The following TAF4 variants were observed in gnomAD, a reference collection of about 807,000 sequenced individuals.
TAF4 encodes the protein TATA-box binding protein associated factor 4, also known as transcription initiation factor TFIID subunit 4.
A neutral mutation model predicts 90.3 loss-of-function variants in TAF4; 9 were observed. The ratio of observed to expected loss-of-function variants is 0.10; its 90% CI spans 0.06 to 0.17. TAF4 has a LOEUF of 0.17. Among genes scored for constraint, TAF4 ranks in the 10% least tolerant of loss-of-function variants. TAF4 has a pLI of 1.00. For synonymous variants in TAF4, 818 were observed against 638.9 expected, an observed-to-expected ratio of 1.28 and a Z score of -4.23; for missense variants, 1,351 against 1,370.7, an observed-to-expected ratio of 0.99 and a Z score of 0.23.
intron 14 of TAF4, among the ~76,000 whole-genome samples, chr20:61,985,981 T>TCAAAGGAAACACCATCCCCAAC (rs1568922357): frequency 3.7e-4 from 31 of 83,624 alleles, no homozygotes; most frequent in African/African-American, 1.4e-3. Context: ...CCATCCCCAA[T>TCAAAGGAAACACCATCCCCAAC]CAAAGGAAAT....
rs751225247 is a variant in TAF4, at chr20:62,003,845, T to A, written c.2257A>T (p.Ile753Phe). 2 of 1,591,774 alleles carry A rather than the reference T, an allele frequency of 1.3e-6. No individual in the cohort carries two copies. Among genetic ancestry groups the A allele is most frequent in the South Asian group, 2.2e-5 (2 of 89,176 alleles). Residue 753 changes from isoleucine to phenylalanine, a missense_variant, in exon 8 of 15, where the codon ATC becomes TTC. Physicochemically the swap from Ile to Phe is conservative, Grantham distance 21 (BLOSUM62 0). Around this residue, in one of 9 missense-constraint regions of TAF4, gnomAD observed 202 missense variants for 229.7 expected, o/e 0.88. Transcript: ENST00000252996. ...IQQPPKPGAL[I>F]RPPQVTLTQT... ...GTCAACGTCACCTGCGGGGGCCGGA[T>A]CAGGGCTCCTGGCTTCGGAGGCTGC... is the stretch of plus-strand genomic sequence containing the variant.
intron 14 of TAF4, among the ~76,000 whole-genome samples, chr20:61,983,292 CAA>C (rs60160264): frequency 3.1e-4 from 33 of 104,796 alleles, no homozygotes; most frequent in Middle Eastern, 4.9e-3. Flanking sequence ...TTCCTAAATA[CAA>C]AAAAAAAAAA....
At position 62,000,706 on chromosome 20, in the gene TAF4, A is replaced by G. The variant is rs2123125076; in HGVS notation, c.2502T>C (p.Ile834=). The G allele has an allele frequency of 1.2e-6, 2 of 1,614,238 alleles. No individual in the cohort carries two copies. Among genetic ancestry groups the G allele is most frequent in the Middle Eastern group, 1.6e-4 (1 of 6,062 alleles). ...CTCCAGCCATCGATGCAACATCATT[A>G]ATGTCATCATCGTCCCTTGAGGAAA... ...GGGSFRDDDD[I]NDVASMAGVN... is the part of the protein sequence containing the mutation. The change falls in exon 10 of 15, where the codon ATT becomes ATC. Residue 834 remains isoleucine (I), a synonymous_variant. Transcript: ENST00000252996.
intron 14 of TAF4, among the ~76,000 whole-genome samples, chr20:61,988,072 C>A (rs375175423): frequency 1.3e-5 from 2 of 152,114 alleles, no homozygotes; most frequent in African/African-American, 4.8e-5. Flanking sequence ...GAGGGATGAA[C>A]GGGCAGAGCA....
At chr20:61,998,290 G>A (rs192895242) in intron 12 of TAF4, 98 bp from the exon 13 acceptor site, 6 of 1,271,648 alleles carry the variant, frequency 4.7e-6, no homozygotes, top group Non-Finnish European at 6.5e-6. Flanking sequence ...TAACATCTAG[G>A]TAATGTTAAA....
chr20:62,055,595 A>G (rs1435939482), intron 1 of TAF4, among the ~76,000 whole-genome samples: 1 of 152,154 alleles, frequency 6.6e-6, no homozygotes, highest in Non-Finnish European at 1.5e-5. Flanking sequence ...AGGCAGCCCT[A>G]CAATATCAAT....
chr20:62,022,836 C>T (rs1600848456), intron 1 of TAF4, among the ~76,000 whole-genome samples: 2 of 151,226 alleles, frequency 1.3e-5, no homozygotes, highest in South Asian at 2.1e-4. Context: ...AAACTTCTGA[C>T]GCAGCTCCTG....
intron 1 of TAF4, among the ~76,000 whole-genome samples, chr20:62,040,143 A>C (rs1175613816): frequency 6.6e-6 from 1 of 152,234 alleles, no homozygotes; most frequent in East Asian, 1.9e-4. Context: ...ACAAAGAAAA[A>C]CTTATGTTCA....
At chr20:62,064,288 C>A (rs982172130) in intron 1 of TAF4, 163 bp downstream of exon 1, 3 of 792,986 alleles carry the variant, frequency 3.8e-6, no homozygotes, top group African/African-American at 1.8e-5. Context: ...AGACAGCCAC[C>A]CGGGCTGGCC....
In TAF4 at chr20:62,065,702, C is replaced by T; in HGVS notation, c.109G>A (p.Ala37Thr). ...GGCGCGAGGTGGTGGTGGTGGGCCG[C>T]GCTGGCCGCCAGCTGCGACTCCAGC... is the stretch of plus-strand genomic sequence containing the variant. ...GSLESQLAAS[A>T]AHHHHLAPRT... The change falls in exon 1 of 15, where the codon GCG becomes ACG. Residue 37 changes from alanine to threonine, a missense_variant. Coordinates refer to ENST00000252996, the MANE Select transcript of TAF4 (RefSeq NM_003185.4). 2 of 1,277,756 alleles carry T rather than the reference C, an allele frequency of 1.6e-6. No individual in the cohort carries two copies. Among genetic ancestry groups the T allele is most frequent in the African/African-American group, 1.6e-5 (1 of 63,030 alleles). 79.2% of individuals were successfully genotyped at this position (1,277,756 alleles called of 1,614,324 possible).
intron 1 of TAF4, among the ~76,000 whole-genome samples, chr20:62,038,713 A>G (rs1228874325): frequency 2.0e-5 from 3 of 152,172 alleles, no homozygotes; most frequent in African/African-American, 7.2e-5. Context: ...TAAGATATCA[A>G]TGATCATAAA....
At position 62,049,812 on chromosome 20, in the gene TAF4, G is replaced by C. The variant is rs2056016094; in HGVS notation, c.1360+14639C>G. On this transcript the variant is annotated intron_variant, in intron 1 of 14. Transcript: ENST00000252996. ...GTCACGTGGCCTTGAGCAGTTCATA[G>C]AAATGCGAGCCTCAGTGTCTCGTCC... is the stretch of plus-strand genomic sequence containing the variant. 3.9e-5 allele frequency among the ~76,000 whole-genome samples: 6 copies of C among 152,164 alleles called. No individual in the cohort carries two copies. The South Asian group carries it at 1.2e-3, about 32-fold the overall frequency.
chr20:62,012,731 A>C, intron 3 of TAF4, 84 bp downstream of exon 3: 8 of 1,344,992 alleles, frequency 5.9e-6, no homozygotes, highest in East Asian at 2.7e-5. Flanking sequence ...AAAAAAAAAA[A>C]CTCCTAAGGC....
At position 62,010,081 on chromosome 20, in the gene TAF4, C is replaced by G. The variant is rs1429509210; in HGVS notation, c.1726G>C (p.Val576Leu). Residue 576 changes from valine to leucine, a missense_variant, in exon 4 of 15, where the codon GTA becomes CTA. Val to Leu is a conservative substitution (Grantham distance 32, BLOSUM62 1). This residue lies in a region of TAF4 where 143 missense variants were observed against 176.3 expected (regional missense o/e 0.81). Transcript: ENST00000252996. The surrounding 1 kb of genome is among the most constrained non-coding windows in gnomAD (Gnocchi z 4.5). ...GAGGAAGTGGTGGTCGCCCCTGGTA[C>G]CGTGCGCTGAGGAGTCCCCGTCTGA... Reference protein sequence around the residue: ...AVQTGTPQRTVPGATTTSSAA... With the variant: ...AVQTGTPQRTLPGATTTSSAA... The G allele has an allele frequency of 6.2e-7, 1 of 1,613,660 alleles. No homozygotes were observed. Among genetic ancestry groups the G allele is most frequent in the Non-Finnish European group, 8.5e-7 (1 of 1,179,984 alleles).
At chr20:62,007,014 C>A (rs2055750472) in intron 6 of TAF4, 3 of 405,386 alleles carry the variant, frequency 7.4e-6, no homozygotes, top group Non-Finnish European at 1.3e-5. Context: ...TTTTAAAAAA[C>A]TTTTTAAAAT....
intron 1 of TAF4, among the ~76,000 whole-genome samples, chr20:62,052,825 C>T (rs982089260): frequency 1.5e-4 from 20 of 137,636 alleles, no homozygotes; most frequent in Admixed American, 9.7e-4. Flanking sequence ...AGTACCAGAT[C>T]CCTCGCGCCA....
intron 1 of TAF4, among the ~76,000 whole-genome samples, chr20:62,019,288 G>A (rs1027737738): frequency 6.6e-6 from 1 of 152,198 alleles, no homozygotes; most frequent in Non-Finnish European, 1.5e-5. Flanking sequence ...TAAGGACCAC[G>A]GAGGCCACCC....
intron 1 of TAF4, among the ~76,000 whole-genome samples, chr20:62,056,935 C>G (rs2056068036): frequency 6.6e-6 from 1 of 152,234 alleles, no homozygotes; most frequent in Admixed American, 6.5e-5. Flanking sequence ...ATGCTTCTGA[C>G]ACTGACATTC....
chr20:62,037,859 G>A (rs1403108562), intron 1 of TAF4: 7 of 233,120 alleles, frequency 3.0e-5, no homozygotes, highest in Non-Finnish European at 5.3e-5. Context: ...GATGGCCTGG[G>A]CAGTTTCACG....
Sources: gnomAD v4.1 joint callset for allele counts (sites outside exome capture counted in the v4.1 genomes callset) on GRCh38, gnomAD v4.1.1 for gene constraint, gnomAD v4.1.1 regional missense constraint, Gnocchi (gnomAD v3.1) non-coding constraint, MANE v1.5 for transcripts, NCBI Gene and HGNC (gene_info 2026-07-23, HGNC 2026-07-21) for gene names.